CSMD1: variants seen among roughly 807,000 people sequenced by gnomAD.
CSMD1 encodes CUB and Sushi multiple domains 1, also known as CUB and sushi domain-containing protein 1.
In CSMD1, 213 loss-of-function variants were observed where a neutral mutation model predicts 417.5. The observed-to-expected ratio is 0.51, with a 90% confidence interval of 0.46 to 0.57. The LOEUF is 0.57. Ranked by LOEUF, CSMD1 falls within the 20% of genes least tolerant of loss-of-function variation. The pLI is 0.00. For missense variants in CSMD1, 6,923 were observed against 4,529.7 expected, an observed-to-expected ratio of 1.53 and a Z score of -15.17; for synonymous variants, 2,862 against 1,736.8, an observed-to-expected ratio of 1.65 and a Z score of -16.11.
chr8:4,062,497 C>A (rs182856949), intron 3 of CSMD1, among the ~76,000 whole-genome samples: 1 of 152,162 alleles, frequency 6.6e-6, no homozygotes, highest in East Asian at 1.9e-4. Context: ...TAAACAATAA[C>A]CATTCTAAGT....
intron 23 of CSMD1, 96 bp from the exon 24 acceptor site, chr8:3,308,599 A>G: frequency 1.1e-6 from 1 of 917,396 alleles, no homozygotes; most frequent in Non-Finnish European, 1.7e-6. Flanking sequence ...ATGCTCCTTG[A>G]AGGGTAGGGA....
At chr8:4,007,619 C>T (rs547792679) in intron 4 of CSMD1, among the ~76,000 whole-genome samples, 21 of 152,334 alleles carry the variant, frequency 1.4e-4, no homozygotes, top group African/African-American at 4.6e-4. Context: ...TGAGCCTGTT[C>T]TTGCACTTGC....
intron 5 of CSMD1, among the ~76,000 whole-genome samples, chr8:3,960,635 G>A (rs1032765917): frequency 1.5e-4 from 23 of 151,836 alleles, no homozygotes; most frequent in African/African-American, 5.1e-4. Flanking sequence ...ATATTAATAT[G>A]CACTGATTAA....
chr8:3,336,059 G>A (rs892559682), intron 23 of CSMD1, among the ~76,000 whole-genome samples: 1 of 152,162 alleles, frequency 6.6e-6, no homozygotes, highest in Non-Finnish European at 1.5e-5. Flanking sequence ...CGTACAAAGT[G>A]CTTTGAGTAA....
intron 3 of CSMD1, among the ~76,000 whole-genome samples, chr8:4,170,623 G>A (rs941908974): frequency 3.3e-5 from 5 of 151,666 alleles, no homozygotes; most frequent in Non-Finnish European, 5.9e-5. Flanking sequence ...AATTCTGGGT[G>A]GAAAACATTT....
chr8:3,227,334 G>A (rs1012381807), intron 27 of CSMD1, among the ~76,000 whole-genome samples: 4 of 152,138 alleles, frequency 2.6e-5, no homozygotes, highest in Non-Finnish European at 5.9e-5. Flanking sequence ...ACGGAAGGAG[G>A]TTGCAGTGAG....
chr8:4,399,036 C>G (rs1379204546), intron 3 of CSMD1, among the ~76,000 whole-genome samples: 2 of 152,118 alleles, frequency 1.3e-5, no homozygotes, highest in South Asian at 2.1e-4. Flanking sequence ...AAGTATGAGA[C>G]AAGTGTTCTG....
chr8:4,681,883 C>G (rs1397232955), intron 1 of CSMD1, among the ~76,000 whole-genome samples: 2 of 152,294 alleles, frequency 1.3e-5, no homozygotes, highest in South Asian at 2.1e-4. Flanking sequence ...AAAAAATGCT[C>G]AGAACAAATG....
intron 3 of CSMD1, among the ~76,000 whole-genome samples, chr8:4,298,432 T>A (rs73502609): frequency 0.06 from 9,179 of 152,142 alleles, 324 homozygotes; most frequent in South Asian, 0.14. Context: ...TTATACAAAG[T>A]TGTGAATAAT....
chr8:3,292,544 G>A (rs1803657762), intron 25 of CSMD1, among the ~76,000 whole-genome samples: 1 of 152,190 alleles, frequency 6.6e-6, no homozygotes, highest in Non-Finnish European at 1.5e-5. Context: ...AGGAGAGCTA[G>A]CTTTTCTTGT....
intron 5 of CSMD1, among the ~76,000 whole-genome samples, chr8:3,886,597 C>T (rs552494063): frequency 6.6e-6 from 1 of 152,120 alleles, no homozygotes; most frequent in African/African-American, 2.4e-5. Flanking sequence ...TTCCAAAGTC[C>T]CTGGAGTCAG....
chr8:4,420,557 A>T (rs1209508650), intron 2 of CSMD1, among the ~76,000 whole-genome samples: 1 of 152,150 alleles, frequency 6.6e-6, no homozygotes, highest in Admixed American at 6.6e-5. Flanking sequence ...AAAATATGAC[A>T]GGTAAAGCAT....
At chr8:4,134,533 T>C (rs893299286) in intron 3 of CSMD1, among the ~76,000 whole-genome samples, 1 of 152,236 alleles carries the variant, frequency 6.6e-6, no homozygotes, top group Non-Finnish European at 1.5e-5. Flanking sequence ...TAACTCTTGT[T>C]GTTTAAGCCA....
At chr8:3,292,688 C>A (rs561080618) in intron 25 of CSMD1, among the ~76,000 whole-genome samples, 1 of 152,248 alleles carries the variant, frequency 6.6e-6, no homozygotes, top group East Asian at 1.9e-4. Context: ...GGTAGATCTT[C>A]CTCCATCCTT....
intron 3 of CSMD1, among the ~76,000 whole-genome samples, chr8:4,257,188 C>T (rs1278216576): frequency 4.6e-5 from 4 of 87,106 alleles, no homozygotes; most frequent in Non-Finnish European, 6.7e-5. Flanking sequence ...AATTATGGTA[C>T]TACATTTTTA....
At chr8:4,570,379 T>C (rs1798825896) in intron 2 of CSMD1, among the ~76,000 whole-genome samples, 1 of 152,354 alleles carries the variant, frequency 6.6e-6, no homozygotes, top group African/African-American at 2.4e-5. Flanking sequence ...CCTGTCTGCA[T>C]CTATCGGGAT....
intron 6 of CSMD1, among the ~76,000 whole-genome samples, chr8:3,739,174 T>C (rs1367902734): frequency 6.6e-6 from 1 of 152,214 alleles, no homozygotes; most frequent in Non-Finnish European, 1.5e-5. Flanking sequence ...AAGTATCTGA[T>C]GCATGCCGGA....
At chr8:4,021,916 A>G (rs1796807123) in intron 4 of CSMD1, among the ~76,000 whole-genome samples, 1 of 151,978 alleles carries the variant, frequency 6.6e-6, no homozygotes, top group African/African-American at 2.4e-5. Context: ...GATCATCAAC[A>G]AAGCTGACTA....
rs116590753 is a variant in CSMD1 at position 4,539,271 on chromosome 8, G to A, written c.302+98071C>T. Among the ~76,000 whole-genome samples the A allele has an allele frequency of 3.2e-3, 486 of 152,260 alleles. 4 individuals are homozygous for A. The highest frequency in any genetic ancestry group is 0.011 in the African/African-American group (453 of 41,554). ...TTCAGCTTTCATATGCAGTATTTCT[G>A]GAAGATAGTATGCATATGTGGGATG... is the stretch of plus-strand genomic sequence containing the variant. On this transcript the variant is annotated intron_variant, in intron 2 of 69. Coordinates refer to ENST00000635120, the MANE Select transcript of CSMD1 (RefSeq NM_033225.6).
Sources: allele counts gnomAD v4.1 joint callset (sites outside exome capture counted in the v4.1 genomes callset), GRCh38; gene constraint gnomAD v4.1.1; transcripts MANE v1.5; gene names NCBI Gene and HGNC (gene_info 2026-07-23, HGNC 2026-07-21).